VCAM1: variants seen among roughly 807,000 people sequenced by gnomAD.
VCAM1 encodes the protein vascular cell adhesion protein 1.
Under a neutral mutation model 63.8 loss-of-function variants are expected in VCAM1, and 41 were observed. The ratio of observed to expected loss-of-function variants is 0.64; its 90% CI spans 0.50 to 0.83. VCAM1 has a LOEUF of 0.83. Among genes scored for constraint, VCAM1 ranks in the 40% least tolerant of loss-of-function variants. VCAM1 has a pLI of 0.00. For synonymous variants in VCAM1, 338 were observed against 320.7 expected, an observed-to-expected ratio of 1.05 and a Z score of -0.58; for missense variants, 798 against 875.5, an observed-to-expected ratio of 0.91 and a Z score of 1.12.
At chr1:100,721,877 A>T (rs780795326) in intron 2 of VCAM1, among the ~76,000 whole-genome samples, 1 of 152,118 alleles carries the variant, frequency 6.6e-6, no homozygotes, top group Non-Finnish European at 1.5e-5. Context: ...TGAGGGACAG[A>T]AATTATTGCT....
chr1:100,726,181 T>G (rs1175211214), intron 4 of VCAM1, among the ~76,000 whole-genome samples: 1 of 152,074 alleles, frequency 6.6e-6, no homozygotes, highest in African/African-American at 2.4e-5. Context: ...CTTGTTTCAC[T>G]TAGCATAGTG....
chr1:100,728,733 T>TAC (rs1439535365), intron 4 of VCAM1, among the ~76,000 whole-genome samples: 1 of 150,140 alleles, frequency 6.7e-6, no homozygotes, highest in Non-Finnish European at 1.5e-5. Context: ...TATATATATA[T>TAC]ATATAGTAAT....
intron 4 of VCAM1, among the ~76,000 whole-genome samples, chr1:100,728,033 G>A (rs550757724): frequency 8.4e-4 from 128 of 152,072 alleles, no homozygotes; most frequent in African/African-American, 2.9e-3. Flanking sequence ...GGTCTTATCT[G>A]TTGCTTTAAA....
In VCAM1 at chr1:100,731,655, A is replaced by T; in HGVS notation, c.1525+137A>T. 1 of 839,434 alleles carries T rather than the reference A, an allele frequency of 1.2e-6. No individual in the cohort carries two copies. The highest frequency in any genetic ancestry group is 1.8e-6 in the Non-Finnish European group (1 of 553,714). The allele number at this position is 839,434 out of a possible 1,614,324, so 52.0% of individuals were successfully genotyped here. A position where few individuals can be genotyped will look rare whatever the true frequency, so the allele number is the denominator to read the frequency against. ...ACTGAAAAGAAATTTCAAAATAATG[A>T]TGATTGTAACAAATCACCCTCCCTA... On this transcript the variant is annotated intron_variant, in intron 6 of 8. Transcript: ENST00000294728. The surrounding 1 kb of genome is among the most constrained non-coding windows in gnomAD (Gnocchi z 4.2).
Position 100,723,051 on chromosome 1 carries a change from T to A in VCAM1, c.372T>A (p.Ser124Arg). Residue 124 changes from serine to arginine, a missense_variant, in exon 3 of 9, where the codon AGT becomes AGA. Coordinates refer to ENST00000294728, the MANE Select transcript of VCAM1 (RefSeq NM_001078.4). The part of the protein sequence containing the change: ...SFPKDPEIHL[S>R]GPLEAGKPIT... The stretch of plus-strand genomic sequence containing the variant: ...CTAAGGATCCAGAGATTCATTTGAG[T>A]GGCCCTCTGGAGGCTGGGAAGCCGA... The A allele has an allele frequency of 6.2e-7, 1 of 1,611,994 alleles. No individual in the cohort carries two copies.
rs1347465663 is a variant in VCAM1 at position 100,738,457 on chromosome 1, C to G, written c.*174C>G. 1.6e-6 allele frequency: 1 copy of G among 624,452 alleles called. No homozygotes were observed. The highest frequency in any genetic ancestry group is 2.5e-6 in the Non-Finnish European group (1 of 393,672). The allele number at this position is 624,452 out of a possible 1,614,324, so 38.7% of individuals were successfully genotyped here. On this transcript the variant is annotated 3_prime_UTR_variant, in exon 9 of 9. Transcript: ENST00000294728. ...CTGTGAGCAAGAAGTCAAAGTAAAA[C>G]TTGCTGCCTGAAGAACAGTAACTGC...
At chr1:100,734,211 G>T (rs550290664) in intron 7 of VCAM1, among the ~76,000 whole-genome samples, 1 of 152,256 alleles carries the variant, frequency 6.6e-6, no homozygotes, top group African/African-American at 2.4e-5. Flanking sequence ...GTTGAGACCT[G>T]GATGGGGACA....
Position 100,723,244 on chromosome 1 carries a change from A to T in VCAM1, c.565A>T (p.Ile189Phe). Residue 189 changes from isoleucine to phenylalanine, a missense_variant, in exon 3 of 9, where the codon ATT becomes TTT. Ile to Phe is a conservative substitution (Grantham distance 21, BLOSUM62 0). Coordinates refer to ENST00000294728, the MANE Select transcript of VCAM1 (RefSeq NM_001078.4). ...AACCTTTACTCCTGTCATTGAGGAT[A>T]TTGGAAAAGTTCTTGTTTGCCGAGC... ...EVTFTPVIED[I>F]GKVLVCRAKL... 6.2e-7 allele frequency: 1 copy of T among 1,613,110 alleles called. No homozygotes were observed. Among genetic ancestry groups the T allele is most frequent in the Non-Finnish European group, 8.5e-7 (1 of 1,179,370 alleles).
intron 8 of VCAM1, chr1:100,736,415 A>G (rs1171368127): frequency 1.3e-5 from 2 of 152,098 alleles, no homozygotes; most frequent in African/African-American, 4.8e-5. Flanking sequence ...TCTTAGCTTG[A>G]ACGTATTCCA....
chr1:100,729,385 A>G lies in VCAM1; in HGVS notation c.1204+3A>G, dbSNP rs1660347175. On this transcript the variant is annotated splice_donor_region_variant and intron_variant, in intron 5 of 8. Transcript: ENST00000294728. ...GGGAATCCAGGTGGAGCTCTACTGT[A>G]AGTGGTTTTCAGAATTGTTTACTGT... 1 of 1,562,312 alleles carries G rather than the reference A, an allele frequency of 6.4e-7. No individual in the cohort carries two copies. Among genetic ancestry groups the G allele is most frequent in the Non-Finnish European group, 8.6e-7 (1 of 1,156,920 alleles).
intron 1 of VCAM1, 91 bp from the exon 2 acceptor site, chr1:100,720,385 G>A (rs903339321): frequency 2.6e-5 from 38 of 1,473,418 alleles, no homozygotes; most frequent in Non-Finnish European, 3.4e-5. Context: ...AGATCAGTCT[G>A]ATCATATTTT....
At position 100,731,110 on chromosome 1, in the gene VCAM1, C is replaced by T. The variant is rs148349851; in HGVS notation, c.1205-88C>T. On this transcript the variant is annotated intron_variant, in intron 5 of 8. Coordinates refer to ENST00000294728, the MANE Select transcript of VCAM1 (RefSeq NM_001078.4). The surrounding 1 kb of genome is among the most constrained non-coding windows in gnomAD (Gnocchi z 4.2). Reference sequence around the variant, plus strand: ...TCTATCCCAGGTGACTTAAAGCTGTCATTTTTAGGCCTTTACATTTAATAA... The same window carrying T: ...TCTATCCCAGGTGACTTAAAGCTGTTATTTTTAGGCCTTTACATTTAATAA... 37 of 1,343,928 alleles carry T rather than the reference C, an allele frequency of 2.8e-5. No individual in the cohort carries two copies. In the East Asian group the frequency reaches 8.8e-4, roughly 32 times the overall value. 83.3% of individuals were successfully genotyped at this position (1,343,928 alleles called of 1,614,324 possible). A position where few individuals can be genotyped will look rare whatever the true frequency, so the allele number is the denominator to read the frequency against.
At chr1:100,726,718 C>T (rs1276509109) in intron 4 of VCAM1, among the ~76,000 whole-genome samples, 2 of 151,988 alleles carry the variant, frequency 1.3e-5, no homozygotes, top group African/African-American at 4.8e-5. Context: ...GTACTTGGTA[C>T]TGGGGGTACA....
rs752784297 is a variant in VCAM1, at chr1:100,731,270, A to C, written c.1277A>C (p.Lys426Thr). The change falls in exon 6 of 9, where the codon AAG (lysine) becomes ACG (threonine). Residue 426 changes from lysine (K) to threonine (T), a missense_variant. Coordinates refer to ENST00000294728, the MANE Select transcript of VCAM1 (RefSeq NM_001078.4). This position sits in a 1 kb window ranked among gnomAD's most constrained non-coding sequence, Gnocchi z 4.2. ...VNGSSVTVSC[K>T]VPSVYPLDRL... The stretch of plus-strand genomic sequence containing the variant: ...GGGAGCTCTGTCACTGTAAGCTGCA[A>C]GGTTCCTAGCGTGTACCCCCTTGAC... The C allele has an allele frequency of 5.0e-6, 8 of 1,613,628 alleles. No individual in the cohort carries two copies. The highest frequency in any genetic ancestry group is 6.8e-6 in the Non-Finnish European group (8 of 1,179,824).
intron 6 of VCAM1, 76 bp from the exon 7 acceptor site, chr1:100,732,342 G>A: frequency 6.9e-7 from 1 of 1,443,216 alleles, no homozygotes; most frequent in Non-Finnish European, 9.2e-7. Context: ...CCATAGCCCA[G>A]TTTTGCAACA....
Position 100,722,057 on chromosome 1 carries a change from T to C in VCAM1, c.341-963T>C, listed in dbSNP as rs3917033. ...CTCCAAGAGTGTCTGTTTCTCATTATGTATAACAGTTCTGTCTCCTTTCCG... is the reference window on the plus strand; with the variant it reads ...CTCCAAGAGTGTCTGTTTCTCATTACGTATAACAGTTCTGTCTCCTTTCCG... On this transcript the variant is annotated intron_variant, in intron 2 of 8. Coordinates refer to ENST00000294728, the MANE Select transcript of VCAM1 (RefSeq NM_001078.4). Among the ~76,000 whole-genome samples, 1,113 of 152,244 alleles carry C rather than the reference T, an allele frequency of 7.3e-3. 10 individuals are homozygous for C. The highest frequency in any genetic ancestry group is 0.025 in the African/African-American group (1,042 of 41,566).
intron 4 of VCAM1, among the ~76,000 whole-genome samples, chr1:100,725,747 AG>A (rs1376802471): frequency 1.3e-5 from 2 of 151,974 alleles, no homozygotes; most frequent in African/African-American, 4.8e-5. Flanking sequence ...TTAATTTTAT[AG>A]CTAATTGTCT....
intron 4 of VCAM1, among the ~76,000 whole-genome samples, chr1:100,726,457 G>A (rs1660165456): frequency 6.6e-6 from 1 of 152,004 alleles, no homozygotes; most frequent in Admixed American, 6.6e-5. Context: ...TACCTTTGCA[G>A]ATCTGTTGAT....
intron 4 of VCAM1, 138 bp from the exon 5 acceptor site, chr1:100,728,969 G>T: frequency 9.7e-7 from 1 of 1,028,060 alleles, no homozygotes; most frequent in Non-Finnish European, 1.3e-6. Context: ...TGGTCCCAAG[G>T]TGGAAAAGAG....
Sources: gnomAD v4.1 joint callset for allele counts (sites outside exome capture counted in the v4.1 genomes callset) on GRCh38, gnomAD v4.1.1 for gene constraint, Gnocchi (gnomAD v3.1) non-coding constraint, MANE v1.5 for transcripts, NCBI Gene and HGNC (gene_info 2026-07-23, HGNC 2026-07-21) for gene names.